The following JAK2 variants were observed in gnomAD, a reference collection of about 807,000 sequenced individuals.
JAK2 encodes Janus kinase 2, also known as tyrosine-protein kinase JAK2.
Under a neutral mutation model 139.3 loss-of-function variants are expected in JAK2, and 86 were observed. That is an observed-to-expected ratio of 0.62 (90% confidence interval 0.52 to 0.74). JAK2 has a LOEUF of 0.74. JAK2 is among the 30% of genes least tolerant of loss of function. The pLI is 0.00. For synonymous variants in JAK2, 490 were observed against 437.7 expected (o/e 1.12, Z -1.49); for missense variants, 1,421 against 1,360.3 (o/e 1.04, Z -0.70).
chr9:5,000,175 T>G (rs1453792302), intron 2 of JAK2, among the ~76,000 whole-genome samples: 3 of 152,190 alleles, frequency 2.0e-5, no homozygotes, highest in Non-Finnish European at 4.4e-5. Context: ...AAGTTTTGAT[T>G]ATAGTGTTTA....
chr9:5,072,954 G>A (rs1819070561), intron 13 of JAK2, among the ~76,000 whole-genome samples: 1 of 149,214 alleles, frequency 6.7e-6, no homozygotes, highest in African/African-American at 2.5e-5. Context: ...ACATTTATTT[G>A]AAAAAAAAAC....
At chr9:5,083,866 A>C (rs1819886056) in intron 19 of JAK2, among the ~76,000 whole-genome samples, 1 of 152,194 alleles carries the variant, frequency 6.6e-6, no homozygotes, top group African/African-American at 2.4e-5. Flanking sequence ...CATTTGTTGT[A>C]GTCTCTGCAC....
intron 22 of JAK2, among the ~76,000 whole-genome samples, chr9:5,107,560 T>G (rs568470687): frequency 6.6e-6 from 1 of 152,294 alleles, no homozygotes; most frequent in African/African-American, 2.4e-5. Flanking sequence ...AGGGTTAGAT[T>G]GAATTGAATT....
chr9:5,021,529 C>T (rs10974918), intron 2 of JAK2, among the ~76,000 whole-genome samples: 36,069 of 152,238 alleles, frequency 0.24, 4,413 homozygotes, highest in Middle Eastern at 0.27. Flanking sequence ...CGATATTTAT[C>T]CAGTTAATGG....
In JAK2 at chr9:5,120,957, G is replaced by C. The variant is rs575493737; in HGVS notation, c.3060-2047G>C. ...AATGTGGAAATGTTCTAAAAGTCTGGAGCACTAAACAAAGGTCAAAGATAT... is the reference window on the plus strand; with the variant it reads ...AATGTGGAAATGTTCTAAAAGTCTGCAGCACTAAACAAAGGTCAAAGATAT... On this transcript the variant is annotated intron_variant, in intron 22 of 24. Coordinates refer to ENST00000381652, the MANE Select transcript of JAK2 (RefSeq NM_004972.4). 7.9e-5 allele frequency among the ~76,000 whole-genome samples: 12 copies of C among 152,180 alleles called. No homozygotes were observed. The South Asian group carries it at 1.5e-3, about 18-fold the overall frequency.
At chr9:5,085,989 GT>G in intron 19 of JAK2, 1 of 940,842 alleles carries the variant, frequency 1.1e-6, no homozygotes, top group Non-Finnish European at 1.8e-6. Flanking sequence ...GCTGTACGGG[GT>G]TGTGTGATGA....
rs1332506020 is a variant in JAK2, at chr9:5,127,288, T to C, written c.*497T>C. 1 of 232,316 alleles carries C rather than the reference T, an allele frequency of 4.3e-6. No homozygotes were observed. Among genetic ancestry groups the C allele is most frequent in the African/African-American group, 2.2e-5 (1 of 45,278 alleles). 14.4% of individuals were successfully genotyped at this position (232,316 alleles called of 1,614,324 possible). On this transcript the variant is annotated 3_prime_UTR_variant, in exon 25 of 25. Transcript: ENST00000381652. ...TAATCTATAATTAATTACTTCACTATACAAACAAATTAAGATGTTCAGATA... is the reference window on the plus strand; with the variant it reads ...TAATCTATAATTAATTACTTCACTACACAAACAAATTAAGATGTTCAGATA...
intron 22 of JAK2, chr9:5,111,965 C>T: frequency 5.7e-6 from 2 of 350,354 alleles, no homozygotes; most frequent in East Asian, 8.1e-5. Flanking sequence ...CCAGCCCCTC[C>T]ACCGCCGTGG....
At chr9:4,992,324 A>G (rs1335674875) in intron 2 of JAK2, among the ~76,000 whole-genome samples, 5 of 152,130 alleles carry the variant, frequency 3.3e-5, no homozygotes, top group Non-Finnish European at 7.3e-5. Context: ...CTCAGCATAA[A>G]TCTTTTATGA....
At chr9:5,019,635 A>G (rs1274487355) in intron 2 of JAK2, among the ~76,000 whole-genome samples, 1 of 152,134 alleles carries the variant, frequency 6.6e-6, no homozygotes, top group Non-Finnish European at 1.5e-5. Flanking sequence ...TACTTCTTTG[A>G]TATCCACACA....
At chr9:5,085,141 A>T (rs1046732382) in intron 19 of JAK2, 3 of 647,904 alleles carry the variant, frequency 4.6e-6, no homozygotes. Context: ...ACTCTGTAAT[A>T]CATACTGTGG....
rs139964957 is a variant in JAK2 at position 5,128,080 on chromosome 9, TTGTGTGTGTGTG to T, written c.*1319_*1330del. The T allele has an allele frequency of 7.8e-4, 176 of 224,790 alleles. 1 individual carries two copies. Among genetic ancestry groups the T allele is most frequent in the Middle Eastern group, 3.9e-3 (3 of 766 alleles). The allele number at this position is 224,790 out of a possible 1,614,324, so 13.9% of individuals were successfully genotyped here. ...TAGCTAAAATAAAATATGGTGGGTT[TTGTGTGTGTGTG>T]TGTGTGTGTGTGTGTGTGTGTGTGT... On this transcript the variant is annotated 3_prime_UTR_variant, in exon 25 of 25. Coordinates refer to ENST00000381652, the MANE Select transcript of JAK2 (RefSeq NM_004972.4).
chr9:5,049,110 T>A (rs376696470), intron 5 of JAK2, among the ~76,000 whole-genome samples: 1 of 152,234 alleles, frequency 6.6e-6, no homozygotes, highest in East Asian at 1.9e-4. Context: ...TCAGAATCTT[T>A]TAGTATCTTC....
rs1467694216 is a variant in JAK2, at chr9:5,072,621, T to G, written c.1771T>G (p.Ser591Ala). 1 of 1,599,626 alleles carries G rather than the reference T, an allele frequency of 6.3e-7. No individual in the cohort carries two copies. The highest frequency in any genetic ancestry group is 2.2e-5 in the East Asian group (1 of 44,606). The part of the protein sequence containing the change: ...KVLDKAHRNY[S>A]ESFFEAASMM... ...TCTGGATAAAGCACACAGAAACTAT[T>G]CAGAGGTGTGTATGTTCTTTATATT... Residue 591 changes from serine to alanine, a missense_variant, in exon 13 of 25, where the codon TCA (serine) becomes GCA (alanine). Coordinates refer to ENST00000381652, the MANE Select transcript of JAK2 (RefSeq NM_004972.4).
At chr9:5,071,710 G>T (rs1818960238) in intron 12 of JAK2, among the ~76,000 whole-genome samples, 1 of 152,088 alleles carries the variant, frequency 6.6e-6, no homozygotes, top group Non-Finnish European at 1.5e-5. Context: ...AGCTCTATAA[G>T]GAGACAATAG....
intron 2 of JAK2, among the ~76,000 whole-genome samples, chr9:4,990,654 A>G (rs1587792200): frequency 6.6e-6 from 1 of 152,182 alleles, no homozygotes; most frequent in Non-Finnish European, 1.5e-5. Context: ...TAGGAGGCGG[A>G]ATGATCAACA....
intron 22 of JAK2, among the ~76,000 whole-genome samples, chr9:5,101,544 G>A (rs879646971): frequency 1.3e-5 from 2 of 152,244 alleles, no homozygotes. Flanking sequence ...CCAGCATGGT[G>A]TTTGAGCTCT....
chr9:5,077,878 C>T (rs575064148), intron 15 of JAK2, among the ~76,000 whole-genome samples: 2 of 152,256 alleles, frequency 1.3e-5, no homozygotes, highest in South Asian at 4.1e-4. Context: ...GTATGTGCTT[C>T]TGTATTTTTG....
chr9:4,986,184 T>C (rs2129666899), intron 2 of JAK2, among the ~76,000 whole-genome samples, 162 bp downstream of exon 2: 1 of 152,130 alleles, frequency 6.6e-6, no homozygotes, highest in East Asian at 1.9e-4. Flanking sequence ...TCTGGGAGAG[T>C]AATTTTGGGG....
Sources: allele counts gnomAD v4.1 joint callset (sites outside exome capture counted in the v4.1 genomes callset), GRCh38; gene constraint gnomAD v4.1.1; transcripts MANE v1.5; gene names NCBI Gene and HGNC (gene_info 2026-07-23, HGNC 2026-07-21).